ALK: variants seen among roughly 807,000 people sequenced by gnomAD.
The protein encoded by ALK is ALK tyrosine kinase receptor.
In ALK, 74 loss-of-function variants were observed where a neutral mutation model predicts 163.1. The observed-to-expected ratio is 0.45, with a 90% CI of 0.38 to 0.55. The LOEUF is 0.55. Ranked by LOEUF, ALK falls within the 20% of genes least tolerant of loss-of-function variation. The pLI is 0.00. For missense variants in ALK, 2,063 were observed against 2,105.3 expected (o/e 0.98, Z 0.39); for synonymous variants, 960 against 843.2 (o/e 1.14, Z -2.40).
chr2:29,452,334 T>G (rs1210649556), intron 4 of ALK, among the ~76,000 whole-genome samples: 1 of 18,298 alleles, frequency 5.5e-5, no homozygotes, highest in Non-Finnish European at 9.7e-5. Flanking sequence ...TTTTTTTTGT[T>G]TTTTTTTTTT....
intron 1 of ALK, among the ~76,000 whole-genome samples, chr2:29,850,421 C>G (rs1665959674): frequency 6.6e-6 from 1 of 151,802 alleles, no homozygotes; most frequent in South Asian, 2.1e-4. Context: ...GTGCTATGCA[C>G]TTAAGGTTTA....
intron 1 of ALK, among the ~76,000 whole-genome samples, chr2:29,876,558 A>G (rs1553374343): frequency 1.5e-5 from 2 of 136,328 alleles, no homozygotes; most frequent in Non-Finnish European, 3.1e-5. Flanking sequence ...TGGTGATGGT[A>G]ATGATGATGC....
intron 2 of ALK, among the ~76,000 whole-genome samples, chr2:29,705,210 T>C (rs1678860832): frequency 7.8e-6 from 1 of 127,720 alleles, no homozygotes; most frequent in African/African-American, 2.8e-5. Context: ...AGAGTGAGAC[T>C]CCATCTCAAC....
intron 9 of ALK, among the ~76,000 whole-genome samples, chr2:29,284,298 C>A (rs954398751): frequency 1.3e-5 from 2 of 151,712 alleles, no homozygotes; most frequent in African/African-American, 4.8e-5. Context: ...AAGTTATGAG[C>A]ATTGATGAGG....
At position 29,227,363 on chromosome 2, in the gene ALK, TAC is replaced by T. The variant is rs1276307912; in HGVS notation, c.2914+209_2914+210del. ...GGTGCAGGTATTGGGCTATTACTGT[TAC>T]ATTTCCTAGGATTCTGCCTCTGCAT... On this transcript the variant is annotated intron_variant, in intron 17 of 28. Transcript: ENST00000389048. The surrounding 1 kb of genome is among the most constrained non-coding windows in gnomAD (Gnocchi z 4.4). Among the ~76,000 whole-genome samples the T allele has an allele frequency of 6.6e-6, 1 of 152,176 alleles. No homozygotes were observed. Among genetic ancestry groups the T allele is most frequent in the East Asian group, 1.9e-4 (1 of 5,176 alleles).
At chr2:29,887,932 A>C (rs1219253223) in intron 1 of ALK, among the ~76,000 whole-genome samples, 2 of 152,158 alleles carry the variant, frequency 1.3e-5, no homozygotes, top group African/African-American at 2.4e-5. Context: ...TCACAAGAGA[A>C]CCTAAAAGGG....
chr2:29,453,719 A>G (rs1156932313), intron 4 of ALK, among the ~76,000 whole-genome samples: 1 of 152,144 alleles, frequency 6.6e-6, no homozygotes, highest in Non-Finnish European at 1.5e-5. Context: ...GATAAAGGAA[A>G]AGAGAAAGAA....
At chr2:29,605,146 C>T (rs7573958) in intron 3 of ALK, among the ~76,000 whole-genome samples, 108,519 of 152,076 alleles carry the variant, frequency 0.71, 38,915 homozygotes, top group Non-Finnish European at 0.74. Context: ...AGTTTTTCCA[C>T]GGACAGGGGG....
chr2:29,789,027 G>C (rs1664119869), intron 1 of ALK, among the ~76,000 whole-genome samples: 1 of 135,988 alleles, frequency 7.4e-6, no homozygotes, highest in South Asian at 2.1e-4. Context: ...GTGTGTGTGT[G>C]TGTGTGTGTG....
intron 3 of ALK, among the ~76,000 whole-genome samples, chr2:29,694,299 G>A (rs185368990): frequency 8.5e-5 from 13 of 152,304 alleles, no homozygotes; most frequent in Admixed American, 4.6e-4. Flanking sequence ...CAAATGTGTC[G>A]CCTGAGTATT....
rs749234736 is a variant in ALK at position 29,695,019 on chromosome 2, A to G, written c.788-5T>C. On this transcript the variant is annotated splice_region_variant and splice_polypyrimidine_tract_variant and intron_variant, in intron 2 of 28. Transcript: ENST00000389048. ...AGTCAAAGCTGCACTCCAGACCTGCAATAATAGCCAAGGGTCAATGGAAAA... is the reference window on the plus strand; with the variant it reads ...AGTCAAAGCTGCACTCCAGACCTGCGATAATAGCCAAGGGTCAATGGAAAA... The G allele has an allele frequency of 1.2e-6, 2 of 1,613,946 alleles. No individual in the cohort carries two copies. Among genetic ancestry groups the G allele is most frequent in the African/African-American group, 2.7e-5 (2 of 74,932 alleles).
intron 2 of ALK, among the ~76,000 whole-genome samples, chr2:29,705,242 T>C (rs1678864443): frequency 8.7e-5 from 2 of 22,914 alleles, no homozygotes; most frequent in Non-Finnish European, 1.6e-4. Context: ...AGAAAAGAAA[T>C]ATATATATAT....
At chr2:29,726,127 C>A (rs543124546) in intron 1 of ALK, among the ~76,000 whole-genome samples, 138 of 152,260 alleles carry the variant, frequency 9.1e-4, no homozygotes, top group African/African-American at 3.2e-3. Context: ...GCAAATATCA[C>A]TCTCCAGGTG....
At chr2:29,452,378 C>G (rs1346714735) in intron 4 of ALK, among the ~76,000 whole-genome samples, 3 of 149,514 alleles carry the variant, frequency 2.0e-5, no homozygotes, top group Non-Finnish European at 1.5e-5. Flanking sequence ...GCTTAAATGT[C>G]CCGTCTTTAG....
intron 3 of ALK, among the ~76,000 whole-genome samples, chr2:29,581,036 C>T (rs1674675526): frequency 6.6e-6 from 1 of 152,158 alleles, no homozygotes. Flanking sequence ...GTGGTTCTGC[C>T]AAAGCCTGGC....
At chr2:29,718,782 A>G (rs1194233440) in intron 1 of ALK, among the ~76,000 whole-genome samples, 2 of 152,218 alleles carry the variant, frequency 1.3e-5, no homozygotes, top group Non-Finnish European at 2.9e-5. Flanking sequence ...GCCATGTTCT[A>G]TGGTGAATGG....
At chr2:29,573,106 C>G (rs1674425900) in intron 3 of ALK, among the ~76,000 whole-genome samples, 2 of 152,214 alleles carry the variant, frequency 1.3e-5, no homozygotes, top group Admixed American at 1.3e-4. Flanking sequence ...TGATGAACTT[C>G]TACAGCTCCC....
rs1405408819 is a variant in ALK at position 29,921,360 on chromosome 2, C to T, written c.-701G>A. The T allele has an allele frequency of 1.3e-5, 3 of 233,014 alleles. No homozygotes were observed. The highest frequency in any genetic ancestry group is 6.6e-5 in the African/African-American group (3 of 45,342). 14.4% of individuals were successfully genotyped at this position (233,014 alleles called of 1,614,324 possible). Reference sequence around the variant, plus strand: ...ACCGGCGCCTCGGCTCCTCAGAGTTCGCAGGCACTGGAGCGGCCCCGGCGG... The same window carrying T: ...ACCGGCGCCTCGGCTCCTCAGAGTTTGCAGGCACTGGAGCGGCCCCGGCGG... On this transcript the variant is annotated 5_prime_UTR_variant, in exon 1 of 29. Transcript: ENST00000389048.
chr2:29,232,640 A>G (rs993911721), intron 14 of ALK, among the ~76,000 whole-genome samples, 192 bp from the exon 15 acceptor site: 1 of 152,138 alleles, frequency 6.6e-6, no homozygotes, highest in Non-Finnish European at 1.5e-5. Context: ...CAGCTTCTCT[A>G]TCAGTCAGGG....
Sources: allele counts gnomAD v4.1 joint callset (sites outside exome capture counted in the v4.1 genomes callset), GRCh38; gene constraint gnomAD v4.1.1; non-coding constraint Gnocchi (gnomAD v3.1); transcripts MANE v1.5; gene names NCBI Gene and HGNC (gene_info 2026-07-23, HGNC 2026-07-21).